Variants in EPB41L1 observed in about 807,000 individuals in gnomAD.
EPB41L1 encodes erythrocyte membrane protein band 4.1 like 1, also known as band 4.1-like protein 1.
Under a neutral mutation model 97.8 loss-of-function variants are expected in EPB41L1, and 29 were observed. The ratio of observed to expected loss-of-function variants is 0.30; its 90% CI spans 0.22 to 0.40. The LOEUF (loss-of-function observed/expected upper bound fraction) is 0.40, where lower values mean the gene tolerates loss of function less well. Among genes scored for constraint, EPB41L1 ranks in the 10% least tolerant of loss-of-function variants. The pLI, the probability that EPB41L1 is intolerant of heterozygous loss-of-function variation, is 1.00. For synonymous variants in EPB41L1, 383 were observed against 459.2 expected, an observed-to-expected ratio of 0.83 and a Z score of 2.12; for missense variants, 812 against 1,162.3, an observed-to-expected ratio of 0.70 and a Z score of 4.38.
chr20:36,117,049 C>T (rs1289280112), intron 2 of EPB41L1, among the ~76,000 whole-genome samples: 2 of 152,098 alleles, frequency 1.3e-5, no homozygotes, highest in African/African-American at 4.8e-5. Flanking sequence ...AATGGCTGTG[C>T]CATTGTCTGC....
At chr20:36,137,895 T>C (rs1278804701) in intron 2 of EPB41L1, among the ~76,000 whole-genome samples, 1 of 152,212 alleles carries the variant, frequency 6.6e-6, no homozygotes, top group African/African-American at 2.4e-5. Flanking sequence ...TCCCCCAACC[T>C]GTGGCAGCTG....
chr20:36,115,058 C>T (rs907939484), intron 2 of EPB41L1, among the ~76,000 whole-genome samples: 3 of 152,176 alleles, frequency 2.0e-5, no homozygotes, highest in Admixed American at 6.5e-5. Flanking sequence ...AGCTAATGTG[C>T]ATTGAATTAC....
At chr20:36,156,295 A>G (rs897980981) in intron 1 of EPB41L1, among the ~76,000 whole-genome samples, 10 of 152,236 alleles carry the variant, frequency 6.6e-5, no homozygotes, top group Non-Finnish European at 1.0e-4. Context: ...GGAGGAGATC[A>G]GTGCAGAGGG....
At chr20:36,116,443 G>A (rs575031473) in intron 2 of EPB41L1, among the ~76,000 whole-genome samples, 1 of 152,296 alleles carries the variant, frequency 6.6e-6, no homozygotes, top group East Asian at 1.9e-4. Context: ...CTCCAGGAGA[G>A]CTCAACACAG....
At chr20:36,172,521 TTGGTAAG>T (rs2145867305) in intron 1 of EPB41L1, among the ~76,000 whole-genome samples, 1 of 152,394 alleles carries the variant, frequency 6.6e-6, no homozygotes, top group East Asian at 1.9e-4. Context: ...TCTCTTAACA[TTGGTAAG>T]TATCCTTTCA....
At chr20:36,224,681 T>C (rs1454212161) in intron 21 of EPB41L1, among the ~76,000 whole-genome samples, 1 of 152,214 alleles carries the variant, frequency 6.6e-6, no homozygotes, top group Non-Finnish European at 1.5e-5. Flanking sequence ...TTCACCTGTT[T>C]CTTTTTAAAC....
rs1372122363 is a variant in EPB41L1, at chr20:36,212,938, A to G, written c.2184+562A>G. Reference sequence around the variant, plus strand: ...GACCACCTGGAGAAAGCCGTCAGGCATAGGCACAGGCCCACGACTTCCAGT... The same window carrying G: ...GACCACCTGGAGAAAGCCGTCAGGCGTAGGCACAGGCCCACGACTTCCAGT... On this transcript the variant is annotated intron_variant, in intron 16 of 21. Coordinates refer to ENST00000338074, the MANE Select transcript of EPB41L1 (RefSeq NM_012156.2). The surrounding 1 kb of genome is among the most constrained non-coding windows in gnomAD (Gnocchi z 4.8). 6.6e-6 allele frequency among the ~76,000 whole-genome samples: 1 copy of G among 152,262 alleles called. No homozygotes were observed. The highest frequency in any genetic ancestry group is 6.5e-5 in the Admixed American group (1 of 15,292).
rs1304408006 is a variant in EPB41L1, at chr20:36,190,196, TAAAATA to T, written c.1027-76_1027-71del. ...GTGTCTCAAAAAAACATTAAACAAA[TAAAATA>T]AAAAACACAAAGAATGGGCTAGTGG... On this transcript the variant is annotated intron_variant, in intron 9 of 21. Transcript: ENST00000338074. The surrounding 1 kb of genome is among the most constrained non-coding windows in gnomAD (Gnocchi z 5.8). 1 of 1,180,210 alleles carries T rather than the reference TAAAATA, an allele frequency of 8.5e-7. No individual in the cohort carries two copies. The highest frequency in any genetic ancestry group is 2.5e-5 in the East Asian group (1 of 40,498). The allele number at this position is 1,180,210 out of a possible 1,614,324, so 73.1% of individuals were successfully genotyped here. A position where few individuals can be genotyped will look rare whatever the true frequency, so the allele number is the denominator to read the frequency against.
chr20:36,131,019 A>C (rs1350091686), intron 2 of EPB41L1, among the ~76,000 whole-genome samples: 1 of 146,510 alleles, frequency 6.8e-6, no homozygotes. Flanking sequence ...CTTGTTGCCC[A>C]GGCTGGAGTG....
intron 12 of EPB41L1, among the ~76,000 whole-genome samples, chr20:36,194,863 A>G (rs1221071885): frequency 9.9e-5 from 15 of 152,130 alleles, no homozygotes; most frequent in Admixed American, 9.8e-4. Context: ...CACTCACTTA[A>G]TAACAGATGT....
Position 36,178,064 on chromosome 20 carries a change from G to A in EPB41L1, c.447+8G>A. The A allele has an allele frequency of 6.2e-7, 1 of 1,609,670 alleles. No individual in the cohort carries two copies. The highest frequency in any genetic ancestry group is 2.2e-5 in the East Asian group (1 of 44,852). ...GATGCTGACAGCCAGAAGGTACCTG[G>A]GCTAGGGAGCAGGGTGGGACCTGCT... On this transcript the variant is annotated splice_region_variant and intron_variant, in intron 4 of 21. Coordinates refer to ENST00000338074, the MANE Select transcript of EPB41L1 (RefSeq NM_012156.2).
At chr20:36,101,769 G>C (rs1246647931) in intron 1 of EPB41L1, among the ~76,000 whole-genome samples, 1 of 152,166 alleles carries the variant, frequency 6.6e-6, no homozygotes, top group Non-Finnish European at 1.5e-5. Context: ...AGCACTTTGG[G>C]AGGCTGAGGC....
At chr20:36,143,938 T>C (rs2059742412) in intron 2 of EPB41L1, among the ~76,000 whole-genome samples, 1 of 152,058 alleles carries the variant, frequency 6.6e-6, no homozygotes, top group African/African-American at 2.4e-5. Flanking sequence ...CTGCAACCTC[T>C]GCCTCCCGGG....
chr20:36,138,824 C>CCT (rs1483027125), intron 2 of EPB41L1, among the ~76,000 whole-genome samples: 1 of 152,182 alleles, frequency 6.6e-6, no homozygotes, highest in Non-Finnish European at 1.5e-5. Context: ...TGACATGCTG[C>CCT]CTCCCAGTGG....
intron 14 of EPB41L1, among the ~76,000 whole-genome samples, chr20:36,205,369 G>T (rs1406366265): frequency 6.6e-6 from 1 of 152,190 alleles, no homozygotes; most frequent in Non-Finnish European, 1.5e-5. Flanking sequence ...GCAAGTCACT[G>T]TCCATCTCTA....
chr20:36,229,003 A>C (rs1460864853), intron 21 of EPB41L1, among the ~76,000 whole-genome samples: 1 of 152,108 alleles, frequency 6.6e-6, no homozygotes, highest in African/African-American at 2.4e-5. Context: ...AATCCAACAG[A>C]TGTGGGTTCG....
chr20:36,183,258 A>G (rs1000399164), intron 6 of EPB41L1, among the ~76,000 whole-genome samples: 1 of 152,144 alleles, frequency 6.6e-6, no homozygotes, highest in African/African-American at 2.4e-5. Context: ...AAGGGCTCCT[A>G]AGCCAGCCCC....
At position 36,178,071 on chromosome 20, in the gene EPB41L1, G is replaced by C. The variant is rs1293527832; in HGVS notation, c.447+15G>C. On this transcript the variant is annotated intron_variant, in intron 4 of 21. Coordinates refer to ENST00000338074, the MANE Select transcript of EPB41L1 (RefSeq NM_012156.2). The stretch of plus-strand genomic sequence containing the variant: ...ACAGCCAGAAGGTACCTGGGCTAGG[G>C]AGCAGGGTGGGACCTGCTCTTCCGT... 1 of 1,599,048 alleles carries C rather than the reference G, an allele frequency of 6.3e-7. No homozygotes were observed. The highest frequency in any genetic ancestry group is 8.6e-7 in the Non-Finnish European group (1 of 1,166,660).
At chr20:36,143,060 G>A (rs2059697559) in intron 2 of EPB41L1, among the ~76,000 whole-genome samples, 1 of 152,094 alleles carries the variant, frequency 6.6e-6, no homozygotes, top group Admixed American at 6.5e-5. Context: ...AATAACTCCT[G>A]CCGGTTCCGA....
Sources: gnomAD v4.1 joint callset for allele counts (sites outside exome capture counted in the v4.1 genomes callset) on GRCh38, gnomAD v4.1.1 for gene constraint, Gnocchi (gnomAD v3.1) non-coding constraint, MANE v1.5 for transcripts, NCBI Gene and HGNC (gene_info 2026-07-23, HGNC 2026-07-21) for gene names.